PHACTR1: variants seen among roughly 807,000 people sequenced by gnomAD.
PHACTR1 encodes the protein RPEL repeat containing 1.
PHACTR1 carries 16 observed loss-of-function variants against 69.2 expected under a neutral mutation model. That is an observed-to-expected ratio of 0.23 (90% confidence interval 0.16 to 0.35). The LOEUF is 0.35. Ranked by LOEUF, PHACTR1 falls within the 10% of genes least tolerant of loss-of-function variation. The pLI is 1.00. For synonymous variants in PHACTR1, 312 were observed against 284.5 expected, an observed-to-expected ratio of 1.10 and a Z score of -0.97; for missense variants, 510 against 734.7, an observed-to-expected ratio of 0.69 and a Z score of 3.54.
chr6:13,148,252 G>T (rs1349540672), intron 5 of PHACTR1, among the ~76,000 whole-genome samples: 1 of 145,274 alleles, frequency 6.9e-6, no homozygotes, highest in Non-Finnish European at 1.5e-5. Context: ...AACTATATAT[G>T]CTATAATTGC....
At chr6:13,133,111 A>G (rs1048751806) in intron 5 of PHACTR1, among the ~76,000 whole-genome samples, 4 of 152,034 alleles carry the variant, frequency 2.6e-5, no homozygotes, top group Non-Finnish European at 5.9e-5. Context: ...TCCCATCTCA[A>G]GAAACTGCTT....
intron 4 of PHACTR1, among the ~76,000 whole-genome samples, chr6:12,951,425 CAAAAT>C: frequency 6.6e-6 from 1 of 152,248 alleles, no homozygotes; most frequent in Admixed American, 6.5e-5. Flanking sequence ...AGCAAGGAGA[CAAAAT>C]AAACTCATTT....
chr6:13,088,011 A>G (rs1372956870), intron 5 of PHACTR1, among the ~76,000 whole-genome samples: 1 of 152,022 alleles, frequency 6.6e-6, no homozygotes, highest in Admixed American at 6.6e-5. Flanking sequence ...AGGGCGAAAC[A>G]CTAGAAACCT....
At chr6:13,229,907 C>A (rs899964856) in intron 9 of PHACTR1, 130 bp from the exon 10 acceptor site, 7 of 1,063,074 alleles carry the variant, frequency 6.6e-6, no homozygotes, top group African/African-American at 6.4e-5. Flanking sequence ...GGAACTGAGG[C>A]ATTAACCACT....
intron 4 of PHACTR1, among the ~76,000 whole-genome samples, chr6:12,764,171 C>T (rs1021832447): frequency 4.6e-5 from 7 of 152,206 alleles, no homozygotes; most frequent in Non-Finnish European, 8.8e-5. Flanking sequence ...ACTCATCATT[C>T]AGAACTAGAA....
Position 13,283,190 on chromosome 6 carries a change from G to T in PHACTR1, c.1510-232G>T. Reference sequence around the variant, plus strand: ...AAAAAGAGCTTGGCCTAGAGGGTATGTAAGGGATAACAAAGCTCTCTCTTA... The same window carrying T: ...AAAAAGAGCTTGGCCTAGAGGGTATTTAAGGGATAACAAAGCTCTCTCTTA... On this transcript the variant is annotated intron_variant, in intron 12 of 14. Coordinates refer to ENST00000332995, the MANE Select transcript of PHACTR1 (RefSeq NM_030948.6). The surrounding 1 kb of genome is among the most constrained non-coding windows in gnomAD (Gnocchi z 4.7). 2.2e-6 allele frequency: 1 copy of T among 460,862 alleles called. No homozygotes were observed. 28.5% of individuals were successfully genotyped at this position (460,862 alleles called of 1,614,324 possible).
chr6:12,788,270 C>G lies in PHACTR1; in HGVS notation c.250+38480C>G, dbSNP rs185927249. ...CTGATGTAACTAAGTGGTGATATTT[C>G]CAATTTCTACCACTTAGCGAGATGA... On this transcript the variant is annotated intron_variant, in intron 4 of 14. Coordinates refer to ENST00000332995, the MANE Select transcript of PHACTR1 (RefSeq NM_030948.6). 9.9e-5 allele frequency among the ~76,000 whole-genome samples: 15 copies of G among 152,128 alleles called. No individual in the cohort carries two copies. The East Asian group carries it at 2.3e-3, about 24-fold the overall frequency.
At chr6:13,000,728 G>A (rs988150094) in intron 4 of PHACTR1, among the ~76,000 whole-genome samples, 34 of 152,192 alleles carry the variant, frequency 2.2e-4, no homozygotes, top group African/African-American at 8.2e-4. Flanking sequence ...CAGCTATAGA[G>A]GAAGATTAAG....
intron 10 of PHACTR1, among the ~76,000 whole-genome samples, chr6:13,243,651 T>C (rs565393832): frequency 2.4e-4 from 36 of 152,208 alleles, no homozygotes; most frequent in Non-Finnish European, 4.6e-4. Flanking sequence ...ATAAATTCCA[T>C]ATAGTGGGGG....
intron 4 of PHACTR1, among the ~76,000 whole-genome samples, chr6:12,919,240 T>C (rs1787368143): frequency 6.6e-6 from 1 of 152,160 alleles, no homozygotes. Context: ...ACTCCCAGGT[T>C]CAAGTGATTC....
rs1290393423 is a variant in PHACTR1, at chr6:13,182,682, G to A, written c.660G>A (p.Gly220=). 22 of 1,539,488 alleles carry A rather than the reference G, an allele frequency of 1.4e-5. No homozygotes were observed. Among genetic ancestry groups the A allele is most frequent in the Non-Finnish European group, 1.9e-5 (22 of 1,146,288 alleles). The change falls in exon 7 of 15, where the codon GGG becomes GGA. Residue 220 remains glycine, a synonymous_variant. Transcript: ENST00000332995. ...TCCAACCGTCAGACATCATGGATGGGCCAGGTAATGCCCCGGCAGGATTGT... is the reference window on the plus strand; with the variant it reads ...TCCAACCGTCAGACATCATGGATGGACCAGGTAATGCCCCGGCAGGATTGT... ...EVLQPSDIMD[G]PDPGAPVKLP...
intron 4 of PHACTR1, among the ~76,000 whole-genome samples, chr6:12,996,149 G>T (rs931719067): frequency 6.6e-6 from 1 of 151,952 alleles, no homozygotes; most frequent in Non-Finnish European, 1.5e-5. Flanking sequence ...TAGCCATGCC[G>T]TCAACTCAAT....
intron 4 of PHACTR1, among the ~76,000 whole-genome samples, chr6:13,007,486 T>A (rs1433400212): frequency 2.6e-5 from 4 of 152,152 alleles, no homozygotes; most frequent in Non-Finnish European, 4.4e-5. Flanking sequence ...TACCTAATCC[T>A]AAATTTTTTT....
chr6:12,981,953 T>C (rs760878468), intron 4 of PHACTR1, among the ~76,000 whole-genome samples: 3 of 152,188 alleles, frequency 2.0e-5, no homozygotes, highest in Non-Finnish European at 1.5e-5. Context: ...TTGCTTTCTT[T>C]CTCTAAGCCC....
At chr6:12,894,980 C>T (rs1334702355) in intron 4 of PHACTR1, among the ~76,000 whole-genome samples, 1 of 152,074 alleles carries the variant, frequency 6.6e-6, no homozygotes, top group Non-Finnish European at 1.5e-5. Context: ...TTCTTGTTCA[C>T]TACTATATCC....
chr6:13,205,102 G>A (rs914236704), intron 7 of PHACTR1, among the ~76,000 whole-genome samples: 1 of 152,188 alleles, frequency 6.6e-6, no homozygotes, highest in African/African-American at 2.4e-5. Flanking sequence ...GAAACATGGT[G>A]CTTCTGGTGA....
At chr6:12,720,474 T>C (rs1237434935) in intron 3 of PHACTR1, among the ~76,000 whole-genome samples, 1 of 152,162 alleles carries the variant, frequency 6.6e-6, no homozygotes, top group Non-Finnish European at 1.5e-5. Context: ...GGCAGCCTTC[T>C]GGTTTTCAGC....
intron 4 of PHACTR1, among the ~76,000 whole-genome samples, chr6:12,773,703 A>C (rs1769679891): frequency 6.6e-6 from 1 of 152,226 alleles, no homozygotes; most frequent in Non-Finnish European, 1.5e-5. Context: ...ATTTAAAAAA[A>C]AATTTAAAAC....
At chr6:12,790,630 T>C (rs1280213056) in intron 4 of PHACTR1, among the ~76,000 whole-genome samples, 1 of 152,192 alleles carries the variant, frequency 6.6e-6, no homozygotes, top group Non-Finnish European at 1.5e-5. Context: ...AAATATTTGC[T>C]GGTGAATGGA....
Sources: allele counts gnomAD v4.1 joint callset (sites outside exome capture counted in the v4.1 genomes callset), GRCh38; gene constraint gnomAD v4.1.1; non-coding constraint Gnocchi (gnomAD v3.1); transcripts MANE v1.5; gene names NCBI Gene and HGNC (gene_info 2026-07-23, HGNC 2026-07-21).